The following THBS1 variants were observed in gnomAD, a reference collection of about 807,000 sequenced individuals.
The protein encoded by THBS1 is thrombospondin-1.
Under a neutral mutation model 126.1 loss-of-function variants are expected in THBS1, and 29 were observed. The observed-to-expected ratio is 0.23, with a 90% CI of 0.17 to 0.31. The LOEUF (loss-of-function observed/expected upper bound fraction) is 0.31, where lower values mean the gene tolerates loss of function less well. THBS1 is among the 10% of genes least tolerant of loss of function. THBS1 has a pLI of 1.00. For missense variants in THBS1, 1,198 were observed against 1,545.2 expected (o/e 0.78, Z 3.77); for synonymous variants, 496 against 577.8 (o/e 0.86, Z 2.03).
In THBS1 at chr15:39,592,525, G is replaced by A; in HGVS notation, c.2533-43G>A. 6.6e-7 allele frequency: 1 copy of A among 1,507,112 alleles called. No homozygotes were observed. Among genetic ancestry groups the A allele is most frequent in the Non-Finnish European group, 9.0e-7 (1 of 1,106,046 alleles). The allele number at this position is 1,507,112 out of a possible 1,614,324, so 93.4% of individuals were successfully genotyped here. ...GGCATAAGTTATCTTTAACATGAAT[G>A]GTTTATACTGCAATTTACCCTCCAT... On this transcript the variant is annotated intron_variant, in intron 16 of 21. Transcript: ENST00000260356. The surrounding 1 kb of genome is among the most constrained non-coding windows in gnomAD (Gnocchi z 4.3).
chr15:39,592,454 AC>A lies in THBS1; in HGVS notation c.2533-110del. On this transcript the variant is annotated intron_variant, in intron 16 of 21. Coordinates refer to ENST00000260356, the MANE Select transcript of THBS1 (RefSeq NM_003246.4). This position sits in a 1 kb window ranked among gnomAD's most constrained non-coding sequence, Gnocchi z 4.3. Reference sequence around the variant, plus strand: ...GCAGGAGTGTGTAAATAGACATGACACCCCACTGGCTGTATCAAACAATGGA... The same window carrying A: ...GCAGGAGTGTGTAAATAGACATGACACCCACTGGCTGTATCAAACAATGGA... The A allele has an allele frequency of 1.3e-6, 1 of 765,720 alleles. No individual in the cohort carries two copies. The allele number at this position is 765,720 out of a possible 1,614,324, so 47.4% of individuals were successfully genotyped here.
chr15:39,587,308 A>C (rs1188961097), intron 7 of THBS1, 39 bp from the exon 8 acceptor site: 1 of 1,582,634 alleles, frequency 6.3e-7, no homozygotes, highest in Non-Finnish European at 8.6e-7. Context: ...AGCTTGTCCT[A>C]ATCATCACGT....
intron 1 of THBS1, 88 bp from the exon 2 acceptor site, chr15:39,581,741 C>G (rs753663607): frequency 2.6e-6 from 2 of 755,932 alleles, no homozygotes; most frequent in South Asian, 3.4e-5. Flanking sequence ...GGTCCCGGCC[C>G]TGTCCCCATG....
chr15:39,581,982 C>A, intron 2 of THBS1, 58 bp downstream of exon 2: 2 of 1,574,378 alleles, frequency 1.3e-6, no homozygotes, highest in Non-Finnish European at 1.7e-6. Context: ...GCTGGCTATC[C>A]CAGGTGTGCC....
rs773530913 is a variant in THBS1 at position 39,584,271 on chromosome 15, G to A, written c.904-29G>A. 8.1e-6 allele frequency: 13 copies of A among 1,614,010 alleles called. No homozygotes were observed. In the Admixed American group the frequency reaches 1.3e-4, roughly 17 times the overall value. On this transcript the variant is annotated intron_variant, in intron 5 of 21. Coordinates refer to ENST00000260356, the MANE Select transcript of THBS1 (RefSeq NM_003246.4). ...GTCCCAAATGACTGAAAATGCGGGG[G>A]GACACTAATGATATTCTCTCCCATT...
rs772251936 is a variant in THBS1, at chr15:39,595,419, C to T, written c.*50C>T. The T allele has an allele frequency of 4.0e-6, 6 of 1,491,996 alleles. No homozygotes were observed. In the Admixed American group the frequency reaches 1.2e-4, roughly 29 times the overall value. The allele number at this position is 1,491,996 out of a possible 1,614,324, so 92.4% of individuals were successfully genotyped here. ...TGATCATAAACCAATGCTGGTATTGCACCTTCTGGAACTATGGGCTTGAGA... is the reference window on the plus strand; with the variant it reads ...TGATCATAAACCAATGCTGGTATTGTACCTTCTGGAACTATGGGCTTGAGA... On this transcript the variant is annotated 3_prime_UTR_variant, in exon 22 of 22. Transcript: ENST00000260356.
rs765604204 is a variant in THBS1 at position 39,582,403 on chromosome 15, C to G, written c.278C>G (p.Ser93Cys). 1 of 1,614,116 alleles carries G rather than the reference C, an allele frequency of 6.2e-7. No individual in the cohort carries two copies. Reference sequence around the variant, plus strand: ...GAAAAGGGTTTCCTCCTTCTGGCATCCCTGAGGCAGATGAAGAAGACCCGG... The same window carrying G: ...GAAAAGGGTTTCCTCCTTCTGGCATGCCTGAGGCAGATGAAGAAGACCCGG... ...RAEKGFLLLA[S>C]LRQMKKTRGT... Residue 93 changes from serine (S) to cysteine (C), a missense_variant, in exon 3 of 22, where the codon TCC becomes TGC. Coordinates refer to ENST00000260356, the MANE Select transcript of THBS1 (RefSeq NM_003246.4).
At chr15:39,585,828 G>A (rs1223449855) in intron 7 of THBS1, among the ~76,000 whole-genome samples, 1 of 152,146 alleles carries the variant, frequency 6.6e-6, no homozygotes, top group African/African-American at 2.4e-5. Context: ...TTTTTGCTTT[G>A]AGGAAAAGAG....
In THBS1 at chr15:39,597,995, T is replaced by C. The variant is rs1247801544; in HGVS notation, c.*2626T>C. The C allele has an allele frequency of 6.6e-6, 1 of 152,138 alleles. No homozygotes were observed. Among genetic ancestry groups the C allele is most frequent in the Admixed American group, 6.5e-5 (1 of 15,278 alleles). The allele number at this position is 152,138 out of a possible 1,614,324, so 9.4% of individuals were successfully genotyped here. On this transcript the variant is annotated 3_prime_UTR_variant, in exon 22 of 22. Transcript: ENST00000260356. ...ATACCTCCTCTTGAAGAAGGAATAA[T>C]AAGTTTAATCAAAAAAGAAGACTAA...
At chr15:39,583,862 G>T in intron 4 of THBS1, 126 bp from the exon 5 acceptor site, 5 of 1,059,846 alleles carry the variant, frequency 4.7e-6, no homozygotes, top group Non-Finnish European at 6.5e-6. Flanking sequence ...GTATACACAC[G>T]TGCGCATACA....
In THBS1 at chr15:39,582,339, G is replaced by C; in HGVS notation, c.214G>C (p.Asp72His). Residue 72 changes from aspartate (D) to histidine (H), a missense_variant, in exon 3 of 22, where the codon GAT becomes CAT. Transcript: ENST00000260356. ...TGCCAACCTGATCCCCCCTGTGCCT[G>C]ATGACAAGTTCCAAGACCTGGTGGA... ...EDANLIPPVPDDKFQDLVDAV... is the reference protein window; with the variant it reads ...EDANLIPPVPHDKFQDLVDAV... The C allele has an allele frequency of 1.9e-6, 3 of 1,614,202 alleles. No individual in the cohort carries two copies. The highest frequency in any genetic ancestry group is 1.3e-5 in the African/African-American group (1 of 75,034).
chr15:39,585,178 T>A (rs188354188), intron 6 of THBS1, among the ~76,000 whole-genome samples: 80 of 152,308 alleles, frequency 5.3e-4, no homozygotes, highest in Middle Eastern at 6.8e-3. Flanking sequence ...TGACCCATGA[T>A]GTTTGTTGGT....
At chr15:39,591,142 C>T (rs1890318454) in intron 14 of THBS1, 49 bp from the exon 15 acceptor site, 1 of 1,590,680 alleles carries the variant, frequency 6.3e-7, no homozygotes, top group East Asian at 2.2e-5. Context: ...GAGGCTTGAG[C>T]TGTTTTCAAG....
intron 10 of THBS1, 100 bp from the exon 11 acceptor site, chr15:39,588,859 T>A: frequency 6.2e-7 from 1 of 1,605,506 alleles, no homozygotes. Flanking sequence ...ATCGGTTCCC[T>A]ATACCCTATA....
At chr15:39,582,847 G>A (rs1363486120) in intron 3 of THBS1, 95 bp downstream of exon 3, 13 of 1,355,464 alleles carry the variant, frequency 9.6e-6, no homozygotes, top group Non-Finnish European at 1.2e-5. Flanking sequence ...GTAAACTAAC[G>A]CAGCAGTTCT....
chr15:39,586,296 A>G (rs1890206710), intron 7 of THBS1, among the ~76,000 whole-genome samples: 2 of 152,214 alleles, frequency 1.3e-5, no homozygotes, highest in African/African-American at 4.8e-5. Context: ...CAGGGATCAT[A>G]TTAGCGATAT....
At position 39,587,363 on chromosome 15, in the gene THBS1, C is replaced by T. The variant is rs866787040; in HGVS notation, c.1137C>T (p.Asp379=). The T allele has an allele frequency of 6.8e-6, 11 of 1,613,032 alleles. No individual in the cohort carries two copies. The highest frequency in any genetic ancestry group is 3.3e-4 in the Middle Eastern group (2 of 6,056). The part of the protein sequence containing the change: ...CPRCWPSDSA[D]DGWSPWSEWT... ...CCCCTGCAGCCAGCGACTCTGCGGACGATGGCTGGTCTCCATGGTCCGAGT... is the reference window on the plus strand; with the variant it reads ...CCCCTGCAGCCAGCGACTCTGCGGATGATGGCTGGTCTCCATGGTCCGAGT... The change falls in exon 8 of 22, where the codon GAC becomes GAT. Residue 379 remains aspartate (D), a synonymous_variant. Transcript: ENST00000260356.
In THBS1 at chr15:39,589,861, C is replaced by T; in HGVS notation, c.1983C>T (p.Ala661=). 2 of 1,614,144 alleles carry T rather than the reference C, an allele frequency of 1.2e-6. No individual in the cohort carries two copies. Among genetic ancestry groups the T allele is most frequent in the Non-Finnish European group, 1.7e-6 (2 of 1,180,010 alleles). The change falls in exon 13 of 22, where the codon GCC becomes GCT. Residue 661 remains alanine (A), a synonymous_variant. Transcript: ENST00000260356. This position sits in a 1 kb window ranked among gnomAD's most constrained non-coding sequence, Gnocchi z 4.7. Reference sequence around the variant, plus strand: ...GGACCCACGACTGCAACAAGAACGCCAAGTGCAACTACCTGGGCCACTATA... The same window carrying T: ...GGACCCACGACTGCAACAAGAACGCTAAGTGCAACTACCTGGGCCACTATA... The part of the protein sequence containing the change: ...TDGTHDCNKN[A]KCNYLGHYSD...
Position 39,593,344 on chromosome 15 carries a change from G to A in THBS1, c.2996-53G>A, listed in dbSNP as rs867581224. 2.7e-5 allele frequency: 43 copies of A among 1,613,040 alleles called. No homozygotes were observed. The Middle Eastern group carries it at 3.0e-3, about 111-fold the overall frequency. ...GCTGAGGATGTCTAGGAACATGATG[G>A]AGAACCTTCTGAAGGCTGCAGGTTT... On this transcript the variant is annotated intron_variant, in intron 18 of 21. Coordinates refer to ENST00000260356, the MANE Select transcript of THBS1 (RefSeq NM_003246.4). This position sits in a 1 kb window ranked among gnomAD's most constrained non-coding sequence, Gnocchi z 5.9.
Sources: gnomAD v4.1 joint callset for allele counts (sites outside exome capture counted in the v4.1 genomes callset) on GRCh38, gnomAD v4.1.1 for gene constraint, Gnocchi (gnomAD v3.1) non-coding constraint, MANE v1.5 for transcripts, NCBI Gene and HGNC (gene_info 2026-07-23, HGNC 2026-07-21) for gene names.